The following CAP2 variants were observed in gnomAD, a reference collection of about 807,000 sequenced individuals.
CAP2 encodes adenylyl cyclase-associated protein 2.
CAP2 carries 24 observed loss-of-function variants against 57.7 expected under a neutral mutation model. That is an observed-to-expected ratio of 0.42 (90% CI 0.30 to 0.58). The LOEUF is 0.58. Among genes scored for constraint, CAP2 ranks in the 20% least tolerant of loss-of-function variants. The probability of loss-of-function intolerance (pLI) is 0.22; values close to 1 mark genes in which losing one functional copy is unlikely to be tolerated. For missense variants in CAP2, 501 were observed against 590.3 expected, an observed-to-expected ratio of 0.85 and a Z score of 1.57; for synonymous variants, 194 against 207.2, an observed-to-expected ratio of 0.94 and a Z score of 0.55.
intron 3 of CAP2, among the ~76,000 whole-genome samples, chr6:17,438,442 T>TTTTTTTTTTG (rs1561783614): frequency 9.5e-5 from 12 of 126,910 alleles, no homozygotes; most frequent in African/African-American, 4.2e-4. Context: ...TGTTTTTTTT[T>TTTTTTTTTTG]TTTTTTTTTT....
chr6:17,445,403 G>A (rs1760231577), intron 3 of CAP2, among the ~76,000 whole-genome samples: 1 of 152,142 alleles, frequency 6.6e-6, no homozygotes, highest in Non-Finnish European at 1.5e-5. Context: ...CACCACGCCT[G>A]GCCTCTATAA....
intron 4 of CAP2, among the ~76,000 whole-genome samples, chr6:17,493,948 C>T (rs765296454): frequency 1.4e-4 from 21 of 152,206 alleles, no homozygotes; most frequent in Non-Finnish European, 2.4e-4. Flanking sequence ...CAGTTGATGG[C>T]GACTCCATCC....
At chr6:17,533,006 G>A (rs1170703309) in intron 7 of CAP2, among the ~76,000 whole-genome samples, 3 of 143,252 alleles carry the variant, frequency 2.1e-5, no homozygotes, top group Non-Finnish European at 4.5e-5. Flanking sequence ...TGAAGGTTGC[G>A]GTGAGCCGAG....
chr6:17,444,840 AC>A (rs1760210631), intron 3 of CAP2, among the ~76,000 whole-genome samples: 2 of 148,608 alleles, frequency 1.3e-5, no homozygotes, highest in Non-Finnish European at 3.0e-5. Flanking sequence ...ACACACACAC[AC>A]ACAACACGAG....
chr6:17,553,312 A>T (rs1763214681), intron 12 of CAP2, among the ~76,000 whole-genome samples: 1 of 152,146 alleles, frequency 6.6e-6, no homozygotes, highest in Non-Finnish European at 1.5e-5. Context: ...GATGAGTGTA[A>T]ATCAAAACCT....
intron 1 of CAP2, among the ~76,000 whole-genome samples, chr6:17,405,670 A>C (rs1345876261): frequency 6.6e-6 from 1 of 152,124 alleles, no homozygotes; most frequent in Non-Finnish European, 1.5e-5. Context: ...CAAGTTTGGA[A>C]GTTTTTGGTC....
chr6:17,473,111 G>A (rs1761063828), intron 4 of CAP2, among the ~76,000 whole-genome samples: 1 of 151,828 alleles, frequency 6.6e-6, no homozygotes, highest in Non-Finnish European at 1.5e-5. Flanking sequence ...GATAATGAAT[G>A]GCTGCCCAAA....
At chr6:17,548,545 A>G (rs1561825543) in intron 11 of CAP2, among the ~76,000 whole-genome samples, 1 of 152,202 alleles carries the variant, frequency 6.6e-6, no homozygotes, top group Non-Finnish European at 1.5e-5. Flanking sequence ...GGACAGGAAG[A>G]CATCATTATC....
Position 17,556,432 on chromosome 6 carries a change from T to G in CAP2, c.1424T>G (p.Ile475Ser), listed in dbSNP as rs749187595. 3.7e-6 allele frequency: 6 copies of G among 1,611,872 alleles called. No individual in the cohort carries two copies. The South Asian group carries it at 6.6e-5, about 18-fold the overall frequency. ...AAGTTAATCACTGAACCTGCAGAAA[T>G]TATGGCCTAACTTCCTGAGAGACCG... ...GSKLITEPAE[I>S]MA is the part of the protein sequence containing the mutation. The change falls in exon 13 of 13, where the codon ATT becomes AGT. Residue 475 changes from isoleucine to serine, a missense_variant. Coordinates refer to ENST00000229922, the MANE Select transcript of CAP2 (RefSeq NM_006366.3).
chr6:17,425,525 T>C (rs1430583751), intron 2 of CAP2, among the ~76,000 whole-genome samples: 2 of 152,156 alleles, frequency 1.3e-5, no homozygotes, highest in African/African-American at 2.4e-5. Flanking sequence ...GGTAACTGTT[T>C]GTAAGGTCAT....
At chr6:17,448,495 G>A (rs946767479) in intron 3 of CAP2, among the ~76,000 whole-genome samples, 2 of 152,172 alleles carry the variant, frequency 1.3e-5, no homozygotes, top group Non-Finnish European at 2.9e-5. Context: ...TGTCAGAAAA[G>A]CAAATGGATT....
chr6:17,493,499 G>A, intron 4 of CAP2: 2 of 243,946 alleles, frequency 8.2e-6, no homozygotes, highest in South Asian at 4.6e-5. Context: ...TTTTGCTGCT[G>A]GCCAGAGTGA....
At chr6:17,519,047 C>A (rs1025974851) in intron 7 of CAP2, among the ~76,000 whole-genome samples, 17 of 152,274 alleles carry the variant, frequency 1.1e-4, no homozygotes, top group Admixed American at 6.5e-4. Context: ...CAAGTACTTT[C>A]AGTAATTGTT....
intron 3 of CAP2, among the ~76,000 whole-genome samples, chr6:17,459,827 CAAG>C (rs983937083): frequency 6.6e-6 from 1 of 151,772 alleles, no homozygotes; most frequent in African/African-American, 2.4e-5. Flanking sequence ...AGATAACAAA[CAAG>C]GAGATTAAAG....
intron 4 of CAP2, among the ~76,000 whole-genome samples, chr6:17,469,232 T>C (rs1260776846): frequency 6.6e-6 from 1 of 152,256 alleles, no homozygotes; most frequent in Non-Finnish European, 1.5e-5. Context: ...CCCACCAGTC[T>C]AACCCTGAGT....
chr6:17,464,501 G>A (rs999173612), intron 4 of CAP2, among the ~76,000 whole-genome samples: 8 of 152,158 alleles, frequency 5.3e-5, no homozygotes, highest in African/African-American at 1.9e-4. Context: ...AGCCATGCTT[G>A]TGCAGTAGAA....
At chr6:17,467,585 G>A (rs934900612) in intron 4 of CAP2, among the ~76,000 whole-genome samples, 8 of 152,136 alleles carry the variant, frequency 5.3e-5, no homozygotes, top group East Asian at 1.9e-4. Context: ...GTGCAGTGGC[G>A]CTACCTTGGC....
intron 1 of CAP2, among the ~76,000 whole-genome samples, chr6:17,420,311 C>T (rs565184501): frequency 1.0e-3 from 153 of 152,292 alleles, no homozygotes; most frequent in African/African-American, 3.5e-3. Flanking sequence ...TAACCAGAAG[C>T]CTTACAAAAG....
chr6:17,535,563 C>T (rs186800214), intron 7 of CAP2, among the ~76,000 whole-genome samples: 4 of 151,454 alleles, frequency 2.6e-5, no homozygotes, highest in East Asian at 1.9e-4. Context: ...CGTGAGCCAC[C>T]GTGACTGGCC....
Sources: gnomAD v4.1 joint callset for allele counts (sites outside exome capture counted in the v4.1 genomes callset) on GRCh38, gnomAD v4.1.1 for gene constraint, MANE v1.5 for transcripts, NCBI Gene and HGNC (gene_info 2026-07-23, HGNC 2026-07-21) for gene names.